The following ZNF430 variants were observed in gnomAD, a reference collection of about 807,000 sequenced individuals.
ZNF430 encodes zinc finger protein 430.
In ZNF430, 35 loss-of-function variants were observed where a neutral mutation model predicts 56.7. The ratio of observed to expected loss-of-function variants is 0.62; its 90% CI spans 0.47 to 0.82. ZNF430 has a LOEUF of 0.82. Among genes scored for constraint, ZNF430 ranks in the 40% least tolerant of loss-of-function variants. The pLI, the probability that ZNF430 is intolerant of heterozygous loss-of-function variation, is 0.00. For synonymous variants in ZNF430, 212 were observed against 224.3 expected, an observed-to-expected ratio of 0.94 and a Z score of 0.49; for missense variants, 574 against 661.0, an observed-to-expected ratio of 0.87 and a Z score of 1.44.
chr19:21,048,391 C>G (rs1279699166), intron 4 of ZNF430, among the ~76,000 whole-genome samples: 1 of 150,722 alleles, frequency 6.6e-6, no homozygotes, highest in East Asian at 2.0e-4. Context: ...TGACTCTTAA[C>G]GAGCATGCTG....
In ZNF430 at chr19:21,034,127, G is replaced by A. The variant is rs776608813; in HGVS notation, c.265G>A (p.Glu89Lys). ...TAAGCCAGACCTGATCACCTGTCTA[G>A]AGCAAGGAAAAGAGCCCTGGAATAT... ...VSKPDLITCL[E>K]QGKEPWNMKR... The change falls in exon 4 of 5, where the codon GAG becomes AAG. Residue 89 changes from glutamate (E) to lysine (K), a missense_variant. Physicochemically the swap from Glu to Lys is moderately conservative, Grantham distance 56 (BLOSUM62 1). Around this residue, in one of 3 missense-constraint regions of ZNF430, gnomAD observed 346 missense variants for 399.1 expected, o/e 0.87. Coordinates refer to ENST00000261560, the MANE Select transcript of ZNF430 (RefSeq NM_025189.4). 1 of 1,613,364 alleles carries A rather than the reference G, an allele frequency of 6.2e-7. No individual in the cohort carries two copies. The highest frequency in any genetic ancestry group is 1.1e-5 in the South Asian group (1 of 90,958).
At chr19:21,034,060 A>T (rs1399951552) in intron 3 of ZNF430, 26 bp from the exon 4 acceptor site, 1 of 1,565,442 alleles carries the variant, frequency 6.4e-7, no homozygotes, top group East Asian at 2.2e-5. Context: ...TATGAGAAAG[A>T]TTCATGTTAT....
intron 2 of ZNF430, among the ~76,000 whole-genome samples, chr19:21,027,054 T>C (rs1967816096): frequency 6.6e-6 from 1 of 151,998 alleles, no homozygotes; most frequent in Admixed American, 6.6e-5. Context: ...GGTCTCGATC[T>C]CTTGACCTCG....
At chr19:21,043,931 G>A (rs952641642) in intron 4 of ZNF430, among the ~76,000 whole-genome samples, 6 of 151,056 alleles carry the variant, frequency 4.0e-5, no homozygotes, top group African/African-American at 1.5e-4. Flanking sequence ...TGTAATTTTT[G>A]CACATTGATT....
At chr19:21,022,378 C>T (rs1321309970) in intron 1 of ZNF430, among the ~76,000 whole-genome samples, 2 of 152,182 alleles carry the variant, frequency 1.3e-5, no homozygotes, top group African/African-American at 4.8e-5. Context: ...CTTTTCCTAC[C>T]TAATTCACAT....
intron 4 of ZNF430, among the ~76,000 whole-genome samples, chr19:21,054,005 GA>G (rs1319006444): frequency 5.9e-5 from 9 of 151,760 alleles, no homozygotes; most frequent in African/African-American, 1.2e-4. Flanking sequence ...CTGGTAAAAA[GA>G]AAAAAACTTC....
chr19:21,029,700 C>CT (rs1161460257), intron 2 of ZNF430, among the ~76,000 whole-genome samples: 3 of 152,268 alleles, frequency 2.0e-5, no homozygotes, highest in Middle Eastern at 3.4e-3. Flanking sequence ...GGTGTGGTGG[C>CT]TCACACCTGT....
rs772007854 is a variant in ZNF430 at position 21,058,108 on chromosome 19, A to G, written c.*87A>G. The stretch of plus-strand genomic sequence containing the variant: ...GAAGAGGAACCCTATGAGTGTGAAG[A>G]ATATGGCAAAGCCTTCAACAAGTCC... On this transcript the variant is annotated 3_prime_UTR_variant, in exon 5 of 5. Coordinates refer to ENST00000261560, the MANE Select transcript of ZNF430 (RefSeq NM_025189.4). 7.9e-7 allele frequency: 1 copy of G among 1,262,642 alleles called. No homozygotes were observed. The highest frequency in any genetic ancestry group is 2.6e-5 in the Admixed American group (1 of 38,810). The allele number at this position is 1,262,642 out of a possible 1,614,324, so 78.2% of individuals were successfully genotyped here.
At chr19:21,054,707 G>T (rs533649517) in intron 4 of ZNF430, among the ~76,000 whole-genome samples, 29 of 105,396 alleles carry the variant, frequency 2.8e-4, no homozygotes, top group Non-Finnish European at 4.8e-4. Flanking sequence ...ACGGAGTCTC[G>T]CTCTGTCGCC....
intron 4 of ZNF430, among the ~76,000 whole-genome samples, chr19:21,037,116 T>C (rs963799486): frequency 4.0e-5 from 6 of 150,778 alleles, no homozygotes; most frequent in Admixed American, 6.6e-5. Context: ...ATTTTCTTTT[T>C]TTTTTTTTTT....
At chr19:21,033,750 T>G in intron 3 of ZNF430, 168 bp downstream of exon 3, 1 of 824,464 alleles carries the variant, frequency 1.2e-6, no homozygotes, top group Non-Finnish European at 1.8e-6. Flanking sequence ...TTTCAAGAAG[T>G]TTTATCTTGA....
At chr19:21,037,560 A>G (rs1235033024) in intron 4 of ZNF430, among the ~76,000 whole-genome samples, 1 of 152,240 alleles carries the variant, frequency 6.6e-6, no homozygotes, top group African/African-American at 2.4e-5. Flanking sequence ...ATGTTCAAAT[A>G]TGTCTTCCAG....
chr19:21,039,617 C>T (rs1301706345), intron 4 of ZNF430, among the ~76,000 whole-genome samples: 2 of 151,844 alleles, frequency 1.3e-5, no homozygotes, highest in South Asian at 2.1e-4. Context: ...CAGGCACCCA[C>T]CATTATGCCC....
At chr19:21,037,255 C>T (rs1180490952) in intron 4 of ZNF430, among the ~76,000 whole-genome samples, 2 of 152,100 alleles carry the variant, frequency 1.3e-5, no homozygotes, top group African/African-American at 4.8e-5. Context: ...GCTGGGACTA[C>T]AGGCATGTGC....
intron 2 of ZNF430, among the ~76,000 whole-genome samples, chr19:21,033,203 A>G (rs1967933420): frequency 6.6e-6 from 1 of 151,944 alleles, no homozygotes; most frequent in African/African-American, 2.4e-5. Context: ...AAAAATACAA[A>G]ATTAGCCGAA....
intron 4 of ZNF430, among the ~76,000 whole-genome samples, chr19:21,045,484 C>G (rs1968172427): frequency 6.6e-6 from 1 of 152,150 alleles, no homozygotes; most frequent in Non-Finnish European, 1.5e-5. Flanking sequence ...AGTATTCCTT[C>G]CAATTATGTG....
At chr19:21,053,636 C>G (rs554010961) in intron 4 of ZNF430, 1 of 152,336 alleles carries the variant, frequency 6.6e-6, no homozygotes, top group South Asian at 2.1e-4. Context: ...TCAGGCGATC[C>G]GCCCATCTTG....
intron 4 of ZNF430, among the ~76,000 whole-genome samples, chr19:21,055,928 T>C (rs1174134558): frequency 6.6e-6 from 1 of 152,122 alleles, no homozygotes; most frequent in Non-Finnish European, 1.5e-5. Context: ...GAAACCAGTG[T>C]ATAGATAGGT....
chr19:21,033,756 C>A, intron 3 of ZNF430, 174 bp downstream of exon 3: 1 of 791,470 alleles, frequency 1.3e-6, no homozygotes, highest in Non-Finnish European at 1.9e-6. Flanking sequence ...GAAGTTTTAT[C>A]TTGACTTAAA....
Sources: allele counts gnomAD v4.1 joint callset (sites outside exome capture counted in the v4.1 genomes callset), GRCh38; gene constraint gnomAD v4.1.1; regional missense constraint gnomAD v4.1.1; transcripts MANE v1.5; gene names NCBI Gene and HGNC (gene_info 2026-07-23, HGNC 2026-07-21).